The following ARVCF variants were observed in gnomAD, a reference collection of about 807,000 sequenced individuals.
The protein encoded by ARVCF is splicing regulator ARVCF.
Under a neutral mutation model 90.9 loss-of-function variants are expected in ARVCF, and 66 were observed. The observed-to-expected ratio is 0.73, with a 90% confidence interval of 0.60 to 0.89. The LOEUF is 0.89. Among genes scored for constraint, ARVCF ranks in the 40% least tolerant of loss-of-function variants. ARVCF has a pLI of 0.00. For synonymous variants in ARVCF, 653 were observed against 603.4 expected (o/e 1.08, Z -1.21); for missense variants, 1,469 against 1,382.3 (o/e 1.06, Z -1.00).
At chr22:19,967,180 T>G (rs1942448128), downstream of ARVCF, 1 of 1,304,744 alleles carries the variant, frequency 7.7e-7, no homozygotes, top group South Asian at 1.2e-5. Context: ...TGGTCTGGTG[T>G]CTTTCAGTCC....
rs1942658634 is a variant in ARVCF at position 19,970,019 on chromosome 22, G to A, written c.*737C>T. 1 of 985,590 alleles carries A rather than the reference G, an allele frequency of 1.0e-6. No individual in the cohort carries two copies. Among genetic ancestry groups the A allele is most frequent in the Non-Finnish European group, 1.2e-6 (1 of 829,932 alleles). 61.1% of individuals were successfully genotyped at this position (985,590 alleles called of 1,614,324 possible). A position where few individuals can be genotyped will look rare whatever the true frequency, so the allele number is the denominator to read the frequency against. On this transcript the variant is annotated 3_prime_UTR_variant, in exon 20 of 20. Transcript: ENST00000263207. ...TTCTTCTGTTTCTGAGTCACGAACA[G>A]CAGGCACTGAAAGCAGTCCCCCAGC...
chr22:19,981,193 G>A lies in ARVCF; in HGVS notation c.896+18C>T, dbSNP rs1278269615. Reference sequence around the variant, plus strand: ...ACTTCCCAGAGGAGGTAGCCACAGGGGACGGGGTGCAGCTCACCTGGTATG... The same window carrying A: ...ACTTCCCAGAGGAGGTAGCCACAGGAGACGGGGTGCAGCTCACCTGGTATG... On this transcript the variant is annotated intron_variant, in intron 5 of 19. Coordinates refer to ENST00000263207, the MANE Select transcript of ARVCF (RefSeq NM_001670.3). 2 of 1,509,340 alleles carry A rather than the reference G, an allele frequency of 1.3e-6. No individual in the cohort carries two copies. The highest frequency in any genetic ancestry group is 1.8e-6 in the Non-Finnish European group (2 of 1,124,986). 93.5% of individuals were successfully genotyped at this position (1,509,340 alleles called of 1,614,324 possible).
At chr22:20,007,747 A>G (rs1944683897) in intron 2 of ARVCF, among the ~76,000 whole-genome samples, 2 of 152,192 alleles carry the variant, frequency 1.3e-5, no homozygotes, top group South Asian at 4.1e-4. Flanking sequence ...TGGGGGATGT[A>G]GCGACAAAGA....
At chr22:19,985,126 C>T (rs1410347281) in intron 3 of ARVCF, among the ~76,000 whole-genome samples, 1 of 152,212 alleles carries the variant, frequency 6.6e-6, no homozygotes, top group African/African-American at 2.4e-5. Flanking sequence ...GGCTGCTCCC[C>T]TCTGTACCCT....
At chr22:19,965,536 T>C (rs165895), downstream of ARVCF, 47,181 of 151,908 alleles carry the variant, frequency 0.31, 7,524 homozygotes, top group Middle Eastern at 0.36. Flanking sequence ...GAGATGGGGT[T>C]TCACCACATT....
intron 2 of ARVCF, among the ~76,000 whole-genome samples, chr22:19,993,195 G>A (rs918084886): frequency 1.3e-5 from 2 of 152,028 alleles, no homozygotes; most frequent in East Asian, 1.9e-4. Flanking sequence ...GGCATCTCAG[G>A]TGTCTCAAGA....
intron 3 of ARVCF, 131 bp from the exon 4 acceptor site, chr22:19,982,222 A>T (rs1943543121): frequency 7.9e-7 from 1 of 1,270,792 alleles, no homozygotes; most frequent in Non-Finnish European, 1.1e-6. Flanking sequence ...CCTGGTCCTG[A>T]ACCCACCCAC....
At chr22:19,999,405 C>G (rs1437363334) in intron 2 of ARVCF, among the ~76,000 whole-genome samples, 1 of 152,200 alleles carries the variant, frequency 6.6e-6, no homozygotes, top group African/African-American at 2.4e-5. Flanking sequence ...TACCTGACTA[C>G]TAGGGAGTGG....
At chr22:19,993,537 T>C (rs562874719) in intron 2 of ARVCF, among the ~76,000 whole-genome samples, 9 of 152,360 alleles carry the variant, frequency 5.9e-5, no homozygotes, top group Non-Finnish European at 1.0e-4. Context: ...GGACCTTGGC[T>C]GTCCAGCCAA....
chr22:20,000,313 G>A (rs977925750), intron 2 of ARVCF, among the ~76,000 whole-genome samples: 11 of 152,332 alleles, frequency 7.2e-5, no homozygotes, highest in East Asian at 1.9e-4. Context: ...TGGCCTTGCC[G>A]CTCCCAACCC....
chr22:19,997,925 G>C (rs146360040), intron 2 of ARVCF, among the ~76,000 whole-genome samples: 1 of 152,366 alleles, frequency 6.6e-6, no homozygotes, highest in Non-Finnish European at 1.5e-5. Context: ...CCTTAGGGAG[G>C]GCAGGCGCAG....
downstream of ARVCF, among the ~76,000 whole-genome samples, chr22:19,968,150 T>A (rs72547415): frequency 2.6e-5 from 4 of 152,276 alleles, no homozygotes; most frequent in Non-Finnish European, 5.9e-5. Flanking sequence ...CAGCAACCCC[T>A]CTCCTTGGGT....
chr22:19,989,457 T>A (rs1943945219), intron 3 of ARVCF, among the ~76,000 whole-genome samples: 1 of 152,116 alleles, frequency 6.6e-6, no homozygotes, highest in South Asian at 2.1e-4. Context: ...TGACACAGGC[T>A]GCTGGTTCTG....
At chr22:19,978,626 C>A (rs753762646) in intron 7 of ARVCF, among the ~76,000 whole-genome samples, 1 of 152,038 alleles carries the variant, frequency 6.6e-6, no homozygotes, top group Non-Finnish European at 1.5e-5. Context: ...CCCCCTCTGG[C>A]TGTCAAGTGA....
At chr22:20,007,424 A>G (rs1944670576) in intron 2 of ARVCF, among the ~76,000 whole-genome samples, 1 of 152,198 alleles carries the variant, frequency 6.6e-6, no homozygotes, top group African/African-American at 2.4e-5. Flanking sequence ...CAAAAAGGAA[A>G]CAGTTCAGAT....
intron 2 of ARVCF, among the ~76,000 whole-genome samples, chr22:19,999,287 T>C (rs1944361797): frequency 6.6e-6 from 1 of 152,160 alleles, no homozygotes; most frequent in South Asian, 2.1e-4. Context: ...CACAGCAGCT[T>C]TGCTAACTAA....
intron 2 of ARVCF, among the ~76,000 whole-genome samples, chr22:19,992,197 C>T (rs1944054675): frequency 6.6e-6 from 1 of 152,240 alleles, no homozygotes; most frequent in African/African-American, 2.4e-5. Flanking sequence ...AGCGAGAGAC[C>T]AGTGCAGGCC....
intron 3 of ARVCF, 110 bp from the exon 4 acceptor site, chr22:19,982,201 G>GAGGAAGGCACCCTGGT: frequency 6.9e-7 from 1 of 1,457,624 alleles, no homozygotes; most frequent in Non-Finnish European, 9.2e-7. Context: ...AGCACACCAG[G>GAGGAAGGCACCCTGGT]GTGCCTTCCT....
At chr22:19,987,232 C>T (rs753423114) in intron 3 of ARVCF, 1 of 324,964 alleles carries the variant, frequency 3.1e-6, no homozygotes, top group Non-Finnish European at 5.6e-6. Context: ...GCGGTCACGG[C>T]GAGCAGCCAA....
Sources: allele counts gnomAD v4.1 joint callset (sites outside exome capture counted in the v4.1 genomes callset), GRCh38; gene constraint gnomAD v4.1.1; transcripts MANE v1.5; gene names NCBI Gene and HGNC (gene_info 2026-07-23, HGNC 2026-07-21).